ARCN1: variants seen among roughly 807,000 people sequenced by gnomAD.
ARCN1 encodes coatomer subunit delta.
Under a neutral mutation model 60.4 loss-of-function variants are expected in ARCN1, and 5 were observed. The ratio of observed to expected loss-of-function variants is 0.08; its 90% CI spans 0.04 to 0.17. The LOEUF (loss-of-function observed/expected upper bound fraction) is 0.17, where lower values mean the gene tolerates loss of function less well. Ranked by LOEUF, ARCN1 falls within the 10% of genes least tolerant of loss-of-function variation. ARCN1 has a pLI of 1.00. For missense variants in ARCN1, 464 were observed against 626.5 expected (o/e 0.74, Z 2.77); for synonymous variants, 224 against 220.0 (o/e 1.02, Z -0.16).
rs376397741 is a variant in ARCN1 at position 118,593,741 on chromosome 11, T to A, written c.1241+43T>A. The stretch of plus-strand genomic sequence containing the variant: ...GTCCTCTACGGTGGACTTAGAGAAC[T>A]GGTCTTTTGGAACTCATTTTGGAGT... On this transcript the variant is annotated intron_variant, in intron 8 of 9. Coordinates refer to ENST00000264028, the MANE Select transcript of ARCN1 (RefSeq NM_001655.5). The A allele has an allele frequency of 7.2e-6, 10 of 1,380,312 alleles. No homozygotes were observed. The African/African-American group carries it at 1.0e-4, about 14-fold the overall frequency. The allele number at this position is 1,380,312 out of a possible 1,614,324, so 85.5% of individuals were successfully genotyped here. A position where few individuals can be genotyped will look rare whatever the true frequency, so the allele number is the denominator to read the frequency against.
At chr11:118,583,570 G>A (rs939445492) in intron 3 of ARCN1, among the ~76,000 whole-genome samples, 8 of 152,032 alleles carry the variant, frequency 5.3e-5, no homozygotes, top group Admixed American at 1.3e-4. Context: ...ACTGGACAGC[G>A]TAGTGAGACC....
chr11:118,586,561 C>T (rs1439887699), intron 5 of ARCN1, among the ~76,000 whole-genome samples: 1 of 152,106 alleles, frequency 6.6e-6, no homozygotes, highest in Non-Finnish European at 1.5e-5. Context: ...GTGGCCCACA[C>T]CTGTAATCTT....
In ARCN1 at chr11:118,602,912, A is replaced by AGC. The variant is rs1939179273; in HGVS notation, c.*2201_*2202dup. The AGC allele has an allele frequency of 1.3e-5, 2 of 153,868 alleles. No homozygotes were observed. Among genetic ancestry groups the AGC allele is most frequent in the Admixed American group, 1.3e-4 (2 of 15,298 alleles). 9.5% of individuals were successfully genotyped at this position (153,868 alleles called of 1,614,324 possible). ...GAAGGCAAATTCTTTAATCAAATAA[A>AGC]GCGCATTATAAAATGAGATGTTTAT... On this transcript the variant is annotated 3_prime_UTR_variant, in exon 10 of 10. Coordinates refer to ENST00000264028, the MANE Select transcript of ARCN1 (RefSeq NM_001655.5).
In ARCN1 at chr11:118,600,783, A is replaced by C; in HGVS notation, c.*69A>C. The C allele has an allele frequency of 8.8e-7, 1 of 1,133,732 alleles. No individual in the cohort carries two copies. The highest frequency in any genetic ancestry group is 1.4e-5 in the South Asian group (1 of 71,964). The allele number at this position is 1,133,732 out of a possible 1,614,324, so 70.2% of individuals were successfully genotyped here. ...AAGAAGACGCCAATGATGGCTGAAG[A>C]GTTTTTCCCAGATTTACAAGCCACT... On this transcript the variant is annotated 3_prime_UTR_variant, in exon 10 of 10. Coordinates refer to ENST00000264028, the MANE Select transcript of ARCN1 (RefSeq NM_001655.5).
chr11:118,592,218 A>G (rs1295593322), intron 6 of ARCN1, among the ~76,000 whole-genome samples: 1 of 152,184 alleles, frequency 6.6e-6, no homozygotes, highest in East Asian at 1.9e-4. Context: ...AGATAAGACT[A>G]TCTTAATTGG....
At chr11:118,576,426 T>A (rs1341056518) in intron 1 of ARCN1, among the ~76,000 whole-genome samples, 13 of 108,776 alleles carry the variant, frequency 1.2e-4, no homozygotes, top group East Asian at 2.8e-4. Context: ...CCAAAAATGT[T>A]AAAAAAAAAA....
chr11:118,600,639 C>G lies in ARCN1; in HGVS notation c.1461C>G (p.Thr487=). The part of the protein sequence containing the change: ...NYCNIQVTKV[T]QVDGNSPVRF... ...TATTTTCCTAGGTTACCAAAGTGACCCAGGTAGATGGAAACAGCCCCGTCA... is the reference window on the plus strand; with the variant it reads ...TATTTTCCTAGGTTACCAAAGTGACGCAGGTAGATGGAAACAGCCCCGTCA... Residue 487 remains threonine (T), a synonymous_variant, in exon 10 of 10, where the codon ACC becomes ACG. Transcript: ENST00000264028. The G allele has an allele frequency of 1.9e-6, 3 of 1,610,732 alleles. No homozygotes were observed. Among genetic ancestry groups the G allele is most frequent in the Non-Finnish European group, 2.5e-6 (3 of 1,178,704 alleles).
chr11:118,580,823 AAGTC>A (rs565788471), intron 1 of ARCN1, among the ~76,000 whole-genome samples: 24 of 152,116 alleles, frequency 1.6e-4, no homozygotes, highest in African/African-American at 5.3e-4. Context: ...GTGCCCGTGA[AAGTC>A]AGTATTCTAT....
chr11:118,589,926 CGTT>C (rs1320446057), intron 5 of ARCN1, among the ~76,000 whole-genome samples: 3 of 152,110 alleles, frequency 2.0e-5, no homozygotes, highest in African/African-American at 4.8e-5. Flanking sequence ...TTTAAAAAAA[CGTT>C]GTTGATGGCT....
chr11:118,597,409 A>G (rs1347501570), intron 8 of ARCN1, among the ~76,000 whole-genome samples: 1 of 152,148 alleles, frequency 6.6e-6, no homozygotes, highest in Admixed American at 6.6e-5. Flanking sequence ...CCATCTTAAC[A>G]CATCTGTTGG....
In ARCN1 at chr11:118,583,951, C is replaced by A. The variant is rs913176572; in HGVS notation, c.590C>A (p.Ala197Asp). ...GSSAVSGGST[A>D]AMITETIIET... ...TCTGCAGTATCTGGAGGCAGCACAGCTGCCATGATCACAGAGACCATCATT... is the reference window on the plus strand; with the variant it reads ...TCTGCAGTATCTGGAGGCAGCACAGATGCCATGATCACAGAGACCATCATT... The change falls in exon 4 of 10, where the codon GCT (alanine) becomes GAT (aspartate). Residue 197 changes from alanine (A) to aspartate (D), a missense_variant. Physicochemically the swap from Ala to Asp is moderately radical, Grantham distance 126. This residue lies in a region of ARCN1 where 359 missense variants were observed against 440.2 expected (regional missense o/e 0.82). Transcript: ENST00000264028. 1 of 1,614,092 alleles carries A rather than the reference C, an allele frequency of 6.2e-7. No homozygotes were observed. Among genetic ancestry groups the A allele is most frequent in the Non-Finnish European group, 8.5e-7 (1 of 1,180,054 alleles).
At position 118,578,906 on chromosome 11, in the gene ARCN1, T is replaced by A. The variant is rs797032313; in HGVS notation, c.4-2340T>A. On this transcript the variant is annotated intron_variant, in intron 1 of 9. Transcript: ENST00000264028. The stretch of plus-strand genomic sequence containing the variant: ...TTTTTTTTTTTTTTTTTTTTTTTTT[T>A]AATAAAAAAAGAAAAATCCATTACC... 7.3e-3 allele frequency among the ~76,000 whole-genome samples: 541 copies of A among 74,448 alleles called. 18 individuals carry two copies. The South Asian group carries it at 0.12, about 16-fold the overall frequency. 48.8% of individuals were successfully genotyped at this position (74,448 alleles called of 152,430 possible). A position where few individuals can be genotyped will look rare whatever the true frequency, so the allele number is the denominator to read the frequency against.
intron 5 of ARCN1, among the ~76,000 whole-genome samples, chr11:118,589,979 C>CT (rs1565363580): frequency 6.6e-6 from 1 of 151,992 alleles, no homozygotes; most frequent in East Asian, 1.9e-4. Flanking sequence ...TGATTTCTAC[C>CT]TTTCTTTTTT....
In ARCN1 at chr11:118,601,639, C is replaced by T. The variant is rs10892245; in HGVS notation, c.*925C>T. 5.1e-4 allele frequency: 356 copies of T among 702,818 alleles called. 11 individuals carry two copies. Among genetic ancestry groups the T allele is most frequent in the South Asian group, 4.3e-3 (291 of 67,606 alleles). 43.5% of individuals were successfully genotyped at this position (702,818 alleles called of 1,614,324 possible). A position where few individuals can be genotyped will look rare whatever the true frequency, so the allele number is the denominator to read the frequency against. ...TATGGGGTCTAGAAGTTAAAAGATA[C>T]GCATGTCTTCTGTTCTTTTCCCGTA... On this transcript the variant is annotated 3_prime_UTR_variant, in exon 10 of 10. Coordinates refer to ENST00000264028, the MANE Select transcript of ARCN1 (RefSeq NM_001655.5).
chr11:118,592,065 C>T (rs549924578), intron 6 of ARCN1, among the ~76,000 whole-genome samples: 7 of 152,146 alleles, frequency 4.6e-5, no homozygotes, highest in African/African-American at 1.4e-4. Context: ...GGATTACAGG[C>T]GTGCGCCACC....
At chr11:118,595,971 G>A (rs966895864) in intron 8 of ARCN1, among the ~76,000 whole-genome samples, 1 of 152,096 alleles carries the variant, frequency 6.6e-6, no homozygotes, top group African/African-American at 2.4e-5. Flanking sequence ...GGAGGCTGAG[G>A]CAGGAGAATG....
chr11:118,595,718 AGT>A (rs1262117294), intron 8 of ARCN1, among the ~76,000 whole-genome samples: 2 of 152,208 alleles, frequency 1.3e-5, no homozygotes, highest in Non-Finnish European at 2.9e-5. Flanking sequence ...AGCACCAGTA[AGT>A]GTATTCTTAG....
At position 118,572,452 on chromosome 11, in the gene ARCN1, C is replaced by A; in HGVS notation, c.-96C>A. On this transcript the variant is annotated 5_prime_UTR_variant, in exon 1 of 10. Coordinates refer to ENST00000264028, the MANE Select transcript of ARCN1 (RefSeq NM_001655.5). ...GCGGCAGCGGTTCCTGTCAAGGGGGCAGCAGGTCCAGAGCTGCTGGTGCTC... is the reference window on the plus strand; with the variant it reads ...GCGGCAGCGGTTCCTGTCAAGGGGGAAGCAGGTCCAGAGCTGCTGGTGCTC... The A allele has an allele frequency of 2.3e-6, 3 of 1,318,530 alleles. No homozygotes were observed. The Admixed American group carries it at 6.6e-5, about 29-fold the overall frequency. 81.7% of individuals were successfully genotyped at this position (1,318,530 alleles called of 1,614,324 possible). A position where few individuals can be genotyped will look rare whatever the true frequency, so the allele number is the denominator to read the frequency against.
chr11:118,582,477 C>T (rs1938679928), intron 2 of ARCN1, among the ~76,000 whole-genome samples: 1 of 151,868 alleles, frequency 6.6e-6, no homozygotes, highest in Admixed American at 6.6e-5. Context: ...GTAATCCCAG[C>T]ACTTTGGGAG....
Sources: gnomAD v4.1 joint callset for allele counts (sites outside exome capture counted in the v4.1 genomes callset) on GRCh38, gnomAD v4.1.1 for gene constraint, gnomAD v4.1.1 regional missense constraint, MANE v1.5 for transcripts, NCBI Gene and HGNC (gene_info 2026-07-23, HGNC 2026-07-21) for gene names.